The following NTM variants were observed in gnomAD, a reference collection of about 807,000 sequenced individuals.
The protein encoded by NTM is IgLON family member 2.
A neutral mutation model predicts 42.1 loss-of-function variants in NTM; 13 were observed. The observed-to-expected ratio is 0.31, with a 90% CI of 0.20 to 0.49. The LOEUF (loss-of-function observed/expected upper bound fraction) is 0.49, where lower values mean the gene tolerates loss of function less well. Ranked by LOEUF, NTM falls within the 20% of genes least tolerant of loss-of-function variation. NTM has a pLI of 0.99. For synonymous variants in NTM, 187 were observed against 179.2 expected (o/e 1.04, Z -0.35); for missense variants, 373 against 452.8 (o/e 0.82, Z 1.60).
At chr11:131,980,911 C>G (rs2065130920) in intron 2 of NTM, among the ~76,000 whole-genome samples, 1 of 152,184 alleles carries the variant, frequency 6.6e-6, no homozygotes, top group South Asian at 2.1e-4. Flanking sequence ...AAATCCGACT[C>G]TATGTTTATG....
At chr11:131,796,774 C>G (rs961612966) in intron 1 of NTM, among the ~76,000 whole-genome samples, 1 of 152,142 alleles carries the variant, frequency 6.6e-6, no homozygotes, top group Admixed American at 6.5e-5. Flanking sequence ...GAGGATAGCA[C>G]AGTAACAGCA....
At chr11:131,858,851 A>G (rs577885465) in intron 1 of NTM, among the ~76,000 whole-genome samples, 4 of 152,326 alleles carry the variant, frequency 2.6e-5, no homozygotes, top group African/African-American at 9.6e-5. Flanking sequence ...GGCAACTCCA[A>G]ACTTCTGCTC....
At chr11:132,067,949 T>C (rs1276579215) in intron 2 of NTM, among the ~76,000 whole-genome samples, 1 of 152,260 alleles carries the variant, frequency 6.6e-6, no homozygotes, top group Non-Finnish European at 1.5e-5. Context: ...ACTGATGTAA[T>C]ATTCTCAAAA....
chr11:131,931,790 G>A (rs893876258), intron 2 of NTM, among the ~76,000 whole-genome samples: 58 of 152,144 alleles, frequency 3.8e-4, no homozygotes, highest in Admixed American at 2.0e-4. Flanking sequence ...GGACACTGGC[G>A]GTTTTGGGGA....
chr11:131,629,457 T>C (rs149928896), intron 1 of NTM, among the ~76,000 whole-genome samples: 1 of 152,292 alleles, frequency 6.6e-6, no homozygotes, highest in African/African-American at 2.4e-5. Context: ...TATCCTTACA[T>C]GAAGGACAGA....
At chr11:131,617,797 A>C (rs1463311652) in intron 1 of NTM, among the ~76,000 whole-genome samples, 2 of 152,212 alleles carry the variant, frequency 1.3e-5, no homozygotes, top group African/African-American at 4.8e-5. Context: ...TTGAGGCTGA[A>C]GCAATGAAAC....
In NTM at chr11:131,979,238, C is replaced by T. The variant is rs1433618501; in HGVS notation, c.167+67590C>T. 3.3e-5 allele frequency among the ~76,000 whole-genome samples: 5 copies of T among 152,278 alleles called. No individual in the cohort carries two copies. In the East Asian group the frequency reaches 9.7e-4, roughly 29 times the overall value. On this transcript the variant is annotated intron_variant, in intron 2 of 8. Transcript: ENST00000683400. ...CAGTCAAACTCTAGTATAATCCTTC[C>T]TTCAGTGCCCTGGTCGGCTTGCTTG...
At chr11:131,801,871 A>G (rs2092144227) in intron 1 of NTM, among the ~76,000 whole-genome samples, 1 of 152,024 alleles carries the variant, frequency 6.6e-6, no homozygotes, top group African/African-American at 2.4e-5. Context: ...ATCTTTCCTG[A>G]GGCAGCATCC....
Position 132,310,291 on chromosome 11 carries a change from A to G in NTM, c.782+59A>G, listed in dbSNP as rs1018689073. Reference sequence around the variant, plus strand: ...CCCCATCTCCAGGAGAAACTTTTCCAGGGTCCTGATTCCACATTGTTGCAA... The same window carrying G: ...CCCCATCTCCAGGAGAAACTTTTCCGGGGTCCTGATTCCACATTGTTGCAA... On this transcript the variant is annotated intron_variant, in intron 6 of 8. Transcript: ENST00000683400. 1.4e-5 allele frequency: 21 copies of G among 1,498,096 alleles called. No homozygotes were observed. The South Asian group carries it at 1.8e-4, about 13-fold the overall frequency. 92.8% of individuals were successfully genotyped at this position (1,498,096 alleles called of 1,614,324 possible). A position where few individuals can be genotyped will look rare whatever the true frequency, so the allele number is the denominator to read the frequency against.
In NTM at chr11:131,688,107, A is replaced by G. The variant is rs76505055; in HGVS notation, c.83-223457A>G. Among the ~76,000 whole-genome samples, 462 of 152,274 alleles carry G rather than the reference A, an allele frequency of 3.0e-3. 11 individuals carry two copies. The East Asian group carries it at 0.057, about 19-fold the overall frequency. On this transcript the variant is annotated intron_variant, in intron 1 of 8. Coordinates refer to ENST00000683400, the MANE Select transcript of NTM (RefSeq NM_001352005.2). ...ACGCGCGCTGCCAGGCAGTTCTCAC[A>G]TCTGGATGAGGAGCCGCAGATGCCG...
intron 3 of NTM, among the ~76,000 whole-genome samples, chr11:132,153,689 C>T (rs376247810): frequency 3.9e-5 from 6 of 152,078 alleles, no homozygotes; most frequent in Admixed American, 1.3e-4. Context: ...GAAAGGTTTC[C>T]GTCCATCTGT....
chr11:131,496,722 C>T (rs540408207), intron 1 of NTM, among the ~76,000 whole-genome samples: 86 of 152,332 alleles, frequency 5.6e-4, no homozygotes, highest in African/African-American at 1.9e-3. Flanking sequence ...CCGTTAGTGC[C>T]TGACATGAAT....
chr11:131,866,136 T>C (rs1226187810), intron 1 of NTM, among the ~76,000 whole-genome samples: 1 of 150,708 alleles, frequency 6.6e-6, no homozygotes, highest in Non-Finnish European at 1.5e-5. Flanking sequence ...CACATACACA[T>C]GCATGCCGCA....
chr11:131,910,988 C>T, intron 1 of NTM: 1 of 997,988 alleles, frequency 1.0e-6, no homozygotes, highest in Non-Finnish European at 1.2e-6. Context: ...TTTCCGGTGG[C>T]GAGCCCGGCT....
chr11:131,867,354 T>C (rs995432799), intron 1 of NTM, among the ~76,000 whole-genome samples: 4 of 152,024 alleles, frequency 2.6e-5, no homozygotes, highest in African/African-American at 9.7e-5. Context: ...GGTCTGCCTG[T>C]ATGTTTGTCT....
intron 1 of NTM, among the ~76,000 whole-genome samples, chr11:131,820,466 A>G (rs2093137183): frequency 6.6e-6 from 1 of 152,226 alleles, no homozygotes; most frequent in Non-Finnish European, 1.5e-5. Flanking sequence ...TGAAATAAAT[A>G]TGTATTATGA....
At chr11:132,035,600 A>G (rs2076411644) in intron 2 of NTM, among the ~76,000 whole-genome samples, 1 of 152,144 alleles carries the variant, frequency 6.6e-6, no homozygotes, top group Non-Finnish European at 1.5e-5. Context: ...GTTTCAGGGA[A>G]TGTAAATTGG....
chr11:131,876,455 G>A (rs992547110), intron 1 of NTM, among the ~76,000 whole-genome samples: 5 of 152,290 alleles, frequency 3.3e-5, no homozygotes, highest in South Asian at 2.1e-4. Context: ...TCAGGTGCCT[G>A]GTCCTATTAC....
intron 2 of NTM, among the ~76,000 whole-genome samples, chr11:131,917,109 G>C (rs2056519515): frequency 6.6e-6 from 1 of 152,202 alleles, no homozygotes; most frequent in African/African-American, 2.4e-5. Context: ...GGTTATCTGT[G>C]TATGGGTTGT....
Sources: allele counts gnomAD v4.1 joint callset (sites outside exome capture counted in the v4.1 genomes callset), GRCh38; gene constraint gnomAD v4.1.1; transcripts MANE v1.5; gene names NCBI Gene and HGNC (gene_info 2026-07-23, HGNC 2026-07-21).